Variants in NADK observed in about 807,000 individuals in gnomAD.
The protein encoded by NADK is NAD kinase.
NADK carries 22 observed loss-of-function variants against 49.8 expected under a neutral mutation model. The ratio of observed to expected loss-of-function variants is 0.44; its 90% CI spans 0.32 to 0.63. The LOEUF is 0.63. Ranked by LOEUF, NADK falls within the 30% of genes least tolerant of loss-of-function variation. NADK has a pLI of 0.06. For missense variants in NADK, 438 were observed against 609.4 expected (o/e 0.72, Z 2.96); for synonymous variants, 268 against 253.7 (o/e 1.06, Z -0.54).
intron 3 of NADK, chr1:1,759,355 G>A: frequency 7.3e-7 from 1 of 1,363,078 alleles, no homozygotes; most frequent in South Asian, 1.5e-5. Context: ...GTACTGCACG[G>A]AGAGGGCAGG....
chr1:1,763,289 C>G (rs977441906), intron 2 of NADK, among the ~76,000 whole-genome samples: 2 of 151,714 alleles, frequency 1.3e-5, no homozygotes, highest in African/African-American at 4.8e-5. Flanking sequence ...TGAGACCATC[C>G]TGGCTAACAC....
At chr1:1,774,590 C>T (rs375330466) in intron 1 of NADK, among the ~76,000 whole-genome samples, 13 of 151,326 alleles carry the variant, frequency 8.6e-5, no homozygotes, top group African/African-American at 2.9e-4. Flanking sequence ...GCTGGGATTA[C>T]GGGCGTGGCC....
chr1:1,757,154 G>GGCCCCCTCCCCCCC, intron 4 of NADK, 27 bp downstream of exon 4: 1 of 706,658 alleles, frequency 1.4e-6, no homozygotes, highest in South Asian at 2.1e-5. Context: ...GTGCACCCCA[G>GGCCCCCTCCCCCCC]GCCCCCTTCC....
intron 1 of NADK, among the ~76,000 whole-genome samples, chr1:1,768,006 C>T (rs949446306): frequency 3.3e-5 from 5 of 151,846 alleles, no homozygotes; most frequent in African/African-American, 1.2e-4. Context: ...AACTCTGTCC[C>T]TAAAAAATAC....
chr1:1,766,466 C>T (rs1459702417), intron 1 of NADK, among the ~76,000 whole-genome samples: 7 of 103,908 alleles, frequency 6.7e-5, no homozygotes, highest in Admixed American at 1.1e-4. Context: ...GCTCTTTTCT[C>T]GTAAACAATA....
In NADK at chr1:1,758,626, T is replaced by C. The variant is rs560677336; in HGVS notation, c.264-1316A>G. The C allele has an allele frequency of 8.3e-5, 120 of 1,443,958 alleles. 4 individuals carry two copies. The South Asian group carries it at 1.6e-3, about 20-fold the overall frequency. 89.4% of individuals were successfully genotyped at this position (1,443,958 alleles called of 1,614,324 possible). ...ACAATTGTGATGAGACTTGGTAAAG[T>C]TGTTGTAAAAGCAACTAAGTCAAAA... On this transcript the variant is annotated intron_variant, in intron 3 of 11. Transcript: ENST00000341426.
chr1:1,759,239 G>C (rs759144844), intron 3 of NADK: 1 of 1,569,448 alleles, frequency 6.4e-7, no homozygotes, highest in Non-Finnish European at 8.6e-7. Flanking sequence ...CTCTTCCTGG[G>C]TCACCTGCAA....
At chr1:1,772,057 C>A (rs1646068466) in intron 1 of NADK, among the ~76,000 whole-genome samples, 1 of 151,948 alleles carries the variant, frequency 6.6e-6, no homozygotes, top group Non-Finnish European at 1.5e-5. Flanking sequence ...GATCCTCCCA[C>A]CTTGGCCTTC....
rs1179618922 is a variant in NADK, at chr1:1,752,701, G to A, written c.*203C>T. 7.2e-5 allele frequency: 43 copies of A among 601,212 alleles called. No individual in the cohort carries two copies. In the East Asian group the frequency reaches 1.1e-3, roughly 15 times the overall value. The allele number at this position is 601,212 out of a possible 1,614,324, so 37.2% of individuals were successfully genotyped here. On this transcript the variant is annotated 3_prime_UTR_variant, in exon 12 of 12. Transcript: ENST00000341426. ...GAAGCACTCCCAGCCCATTTCTCAC[G>A]CTTCTTTAGAAATGCAAAAAAAGTC...
intron 6 of NADK, 175 bp downstream of exon 6, chr1:1,756,083 C>T (rs1645509961): frequency 1.5e-6 from 1 of 650,866 alleles, no homozygotes; most frequent in Non-Finnish European, 2.7e-6. Flanking sequence ...CACACTGCCC[C>T]TGGCCCCACC....
chr1:1,772,472 G>A (rs1433306233), intron 1 of NADK, among the ~76,000 whole-genome samples: 1 of 152,040 alleles, frequency 6.6e-6, no homozygotes, highest in Non-Finnish European at 1.5e-5. Context: ...CCAAAACACT[G>A]TTAAGAAAAT....
intron 3 of NADK, among the ~76,000 whole-genome samples, chr1:1,760,504 A>G (rs552680352): frequency 5.9e-5 from 9 of 152,048 alleles, no homozygotes; most frequent in Non-Finnish European, 8.8e-5. Flanking sequence ...CCCAGCCTCC[A>G]TGGCACCGGT....
chr1:1,764,352 T>C (rs1277682974), intron 2 of NADK, among the ~76,000 whole-genome samples: 2 of 152,178 alleles, frequency 1.3e-5, no homozygotes, highest in Non-Finnish European at 2.9e-5. Flanking sequence ...ACAGCTGTGC[T>C]TGTGCGGCCA....
chr1:1,756,725 C>G, intron 4 of NADK, 117 bp from the exon 5 acceptor site: 3 of 1,549,534 alleles, frequency 1.9e-6, no homozygotes, highest in Non-Finnish European at 2.6e-6. Flanking sequence ...GCATGCCCGC[C>G]CCCCCACGCT....
rs1276967991 is a variant in NADK at position 1,778,131 on chromosome 1, C to T, written c.-41+158G>A. Among the ~76,000 whole-genome samples the T allele has an allele frequency of 1.3e-5, 2 of 152,186 alleles. No individual in the cohort carries two copies. Among genetic ancestry groups the T allele is most frequent in the African/African-American group, 4.8e-5 (2 of 41,454 alleles). On this transcript the variant is annotated intron_variant, in intron 1 of 11. Transcript: ENST00000341426. This position sits in a 1 kb window ranked among gnomAD's most constrained non-coding sequence, Gnocchi z 4.9. ...GGCCGTGCTGGTGCCCCATTCGGGA[C>T]GGAGCGGTGGCCCGTCAGCACTTCC...
rs972334754 is a variant in NADK at position 1,753,944 on chromosome 1, G to A, written c.1101+107C>T. 3.6e-5 allele frequency: 50 copies of A among 1,400,680 alleles called. No individual in the cohort carries two copies. In the African/African-American group the frequency reaches 4.7e-4, roughly 13 times the overall value. The allele number at this position is 1,400,680 out of a possible 1,614,324, so 86.8% of individuals were successfully genotyped here. On this transcript the variant is annotated intron_variant, in intron 10 of 11. Transcript: ENST00000341426. ...GATGGCCCTAGGATGACGAGGCCGCGTCTGAGGCTGGAGCCAGCATGGCAG... is the reference window on the plus strand; with the variant it reads ...GATGGCCCTAGGATGACGAGGCCGCATCTGAGGCTGGAGCCAGCATGGCAG...
rs939971492 is a variant in NADK, at chr1:1,752,638, C to T, written c.*266G>A. ...CATGGAAATTGCGGCAGCTGGAGGC[C>T]GCGCTCCAGGGACCCACCGCGGGGT... is the stretch of plus-strand genomic sequence containing the variant. On this transcript the variant is annotated 3_prime_UTR_variant, in exon 12 of 12. Coordinates refer to ENST00000341426, the MANE Select transcript of NADK (RefSeq NM_023018.5). 3 of 381,284 alleles carry T rather than the reference C, an allele frequency of 7.9e-6. No homozygotes were observed. The highest frequency in any genetic ancestry group is 8.3e-5 in the South Asian group (1 of 12,010). The allele number at this position is 381,284 out of a possible 1,614,324, so 23.6% of individuals were successfully genotyped here. A position where few individuals can be genotyped will look rare whatever the true frequency, so the allele number is the denominator to read the frequency against.
intron 7 of NADK, among the ~76,000 whole-genome samples, 166 bp downstream of exon 7, chr1:1,755,208 A>C (rs1220343832): frequency 6.6e-6 from 1 of 152,240 alleles, no homozygotes; most frequent in Non-Finnish European, 1.5e-5. Context: ...GAAACTTCTC[A>C]GTGTCAGTAA....
In NADK at chr1:1,752,908, CCCTCCTCCTCCT is replaced by C. The variant is rs71578334; in HGVS notation, c.1325_1336del (p.Glu442_Glu445del). On this transcript the variant is annotated inframe_deletion, in exon 12 of 12. Transcript: ENST00000341426. ...GGGCCTGGATAGGGGCTTGACCTAGCCCTCCTCCTCCTCCTCCTCCTCCTCCTCGAAGTGGGC... is the reference window on the plus strand; with the variant it reads ...GGGCCTGGATAGGGGCTTGACCTAGCCCTCCTCCTCCTCCTCGAAGTGGGC... 5.2e-6 allele frequency: 8 copies of C among 1,526,020 alleles called. No homozygotes were observed. The Admixed American group carries it at 5.8e-5, about 11-fold the overall frequency. The allele number at this position is 1,526,020 out of a possible 1,614,324, so 94.5% of individuals were successfully genotyped here. A position where few individuals can be genotyped will look rare whatever the true frequency, so the allele number is the denominator to read the frequency against.
Sources: gnomAD v4.1 joint callset for allele counts (sites outside exome capture counted in the v4.1 genomes callset) on GRCh38, gnomAD v4.1.1 for gene constraint, Gnocchi (gnomAD v3.1) non-coding constraint, MANE v1.5 for transcripts, NCBI Gene and HGNC (gene_info 2026-07-23, HGNC 2026-07-21) for gene names.